Variants in ANKRD40CL observed in about 807,000 individuals in gnomAD.
The protein encoded by ANKRD40CL is putative ANKRD40 C-terminal-like protein.
For synonymous variants in ANKRD40CL, 5 were observed against 2.3 expected, an observed-to-expected ratio of 2.14 and a Z score of -1.04; for missense variants, 11 against 6.4, an observed-to-expected ratio of 1.71 and a Z score of -0.77.
At chr17:50,765,591 G>A (rs950436249) in intron 2 of ANKRD40CL, among the ~76,000 whole-genome samples, 5 of 152,210 alleles carry the variant, frequency 3.3e-5, no homozygotes, top group Non-Finnish European at 5.9e-5. Context: ...TTGCAAAGCC[G>A]AGTGCAAAAG....
At chr17:50,766,544 CAT>C (rs1176085925) in intron 2 of ANKRD40CL, 1 of 295,822 alleles carries the variant, frequency 3.4e-6, no homozygotes, top group Non-Finnish European at 6.2e-6. Context: ...GGGCAAGTTA[CAT>C]AACCTCTCTG....
intron 1 of ANKRD40CL, 31 bp from the exon 2 acceptor site, chr17:50,767,042 G>T: frequency 4.3e-6 from 3 of 701,594 alleles, no homozygotes; most frequent in Non-Finnish European, 7.8e-6. Context: ...GTTCTTGCCA[G>T]CCCAGTGAGA....
At chr17:50,765,707 C>G (rs1188935847) in intron 2 of ANKRD40CL, among the ~76,000 whole-genome samples, 1 of 152,212 alleles carries the variant, frequency 6.6e-6, no homozygotes, top group African/African-American at 2.4e-5. Context: ...AACGCACCAA[C>G]TAGCTGGATG....
intron 2 of ANKRD40CL, chr17:50,764,319 GATGCCCCACTTCCACTTC>G: frequency 2.5e-6 from 1 of 398,488 alleles, no homozygotes. Flanking sequence ...AAAGGACAAG[GATGCCCCACTTCCACTTC>G]CTGCCCTGCA....
intron 2 of ANKRD40CL, 112 bp downstream of exon 2, chr17:50,766,762 G>A: frequency 1.7e-6 from 1 of 588,040 alleles, no homozygotes; most frequent in Non-Finnish European, 3.0e-6. Context: ...TGGCAGAGTG[G>A]CGGAGGCCAC....
rs542454818 is a variant in ANKRD40CL, at chr17:50,764,504, A to G, written c.41-947T>C. 1.5e-5 allele frequency: 5 copies of G among 332,282 alleles called. No homozygotes were observed. The East Asian group carries it at 1.8e-4, about 12-fold the overall frequency. The allele number at this position is 332,282 out of a possible 1,614,324, so 20.6% of individuals were successfully genotyped here. The stretch of plus-strand genomic sequence containing the variant: ...TGCGTAATCTGGGGAAGAAATATTT[A>G]TAATCTCTGTGCTTAGCTCAAGTTT... On this transcript the variant is annotated intron_variant, in intron 2 of 3. Coordinates refer to ENST00000450727, the MANE Select transcript of ANKRD40CL (RefSeq NM_001358683.3).
At chr17:50,764,174 T>C in intron 2 of ANKRD40CL, 1 of 398,662 alleles carries the variant, frequency 2.5e-6, no homozygotes, top group Middle Eastern at 6.3e-4. Flanking sequence ...CCTAGACAGG[T>C]GTCACTGGGT....
chr17:50,763,636 A>G (rs1471083239), intron 2 of ANKRD40CL, 79 bp from the exon 3 acceptor site: 1 of 398,210 alleles, frequency 2.5e-6, no homozygotes, highest in Non-Finnish European at 4.4e-6. Context: ...AGAGATTTTC[A>G]TATCTATTAT....
At chr17:50,766,144 C>G (rs1039159687) in intron 2 of ANKRD40CL, among the ~76,000 whole-genome samples, 2 of 152,102 alleles carry the variant, frequency 1.3e-5, no homozygotes, top group African/African-American at 4.8e-5. Flanking sequence ...GAATAATGTC[C>G]CCTCCCCTAG....
chr17:50,765,974 A>G (rs1043839649), intron 2 of ANKRD40CL, among the ~76,000 whole-genome samples: 2 of 152,102 alleles, frequency 1.3e-5, no homozygotes, highest in Non-Finnish European at 2.9e-5. Flanking sequence ...GTCAACAATC[A>G]CAGAATGTTG....
chr17:50,762,579 CAA>C (rs1176087846), intron 3 of ANKRD40CL, among the ~76,000 whole-genome samples: 2 of 150,640 alleles, frequency 1.3e-5, no homozygotes, highest in Non-Finnish European at 3.0e-5. Flanking sequence ...CTCAAAAAAA[CAA>C]AAAACAAAAA....
rs1971242133 is a variant in ANKRD40CL at position 50,763,518 on chromosome 17, A to G, written c.80T>C (p.Ile27Thr). The change falls in exon 3 of 4, where the codon ATT becomes ACT. Residue 27 changes from isoleucine to threonine, a missense_variant. Transcript: ENST00000450727. ...ACTCAGTTCTTGTCTCTTCAGTTCA[A>G]TTTCAATGAAGTCATTTTCTTTGGG... ...QNPKENDFIE[I>T]ELKRQELSYQ... 5.0e-6 allele frequency: 2 copies of G among 398,904 alleles called. No individual in the cohort carries two copies. The highest frequency in any genetic ancestry group is 4.4e-5 in the Admixed American group (1 of 22,712). The allele number at this position is 398,904 out of a possible 1,614,324, so 24.7% of individuals were successfully genotyped here.
At chr17:50,767,198 C>G (rs1469951390) in intron 1 of ANKRD40CL, 187 bp from the exon 2 acceptor site, 1 of 618,290 alleles carries the variant, frequency 1.6e-6, no homozygotes, top group African/African-American at 1.8e-5. Context: ...GAAGACGGTG[C>G]AGGCCGGTAG....
At chr17:50,761,772 C>T (rs139983380) in intron 3 of ANKRD40CL, among the ~76,000 whole-genome samples, 23 of 152,076 alleles carry the variant, frequency 1.5e-4, no homozygotes, top group African/African-American at 4.1e-4. Flanking sequence ...TTCAGACATG[C>T]GCCATCATGC....
intron 2 of ANKRD40CL, among the ~76,000 whole-genome samples, chr17:50,765,458 C>A (rs1971285261): frequency 6.6e-6 from 1 of 152,188 alleles, no homozygotes; most frequent in Non-Finnish European, 1.5e-5. Flanking sequence ...CCAAAAGAAT[C>A]CTGTGGGGTA....
chr17:50,765,694 T>C (rs1235399998), intron 2 of ANKRD40CL, among the ~76,000 whole-genome samples: 2 of 152,184 alleles, frequency 1.3e-5, no homozygotes, highest in African/African-American at 2.4e-5. Context: ...ACCTCCCCAC[T>C]TGAACGCACC....
At chr17:50,764,028 C>G (rs1389881172) in intron 2 of ANKRD40CL, 6 of 396,584 alleles carry the variant, frequency 1.5e-5, no homozygotes, top group Non-Finnish European at 2.7e-5. Flanking sequence ...TAGGATAATT[C>G]TACCATCTTT....
intron 1 of ANKRD40CL, chr17:50,767,255 C>T (rs895757119): frequency 2.5e-5 from 13 of 515,662 alleles, no homozygotes; most frequent in Non-Finnish European, 4.5e-5. Context: ...GCCAGAGAGG[C>T]ACAGCAGGCA....
chr17:50,761,675 G>A (rs1971204222), intron 3 of ANKRD40CL, among the ~76,000 whole-genome samples, 169 bp from the exon 4 acceptor site: 1 of 152,082 alleles, frequency 6.6e-6, no homozygotes, highest in Non-Finnish European at 1.5e-5. Context: ...TGCGATCTTG[G>A]CTCACTGCAA....
Sources: gnomAD v4.1 joint callset for allele counts (sites outside exome capture counted in the v4.1 genomes callset) on GRCh38, gnomAD v4.1.1 for gene constraint, MANE v1.5 for transcripts, NCBI Gene and HGNC (gene_info 2026-07-23, HGNC 2026-07-21) for gene names.